The following KHDRBS2 variants were observed in gnomAD, a reference collection of about 807,000 sequenced individuals.
KHDRBS2 encodes KH RNA binding domain containing, signal transduction associated 2.
KHDRBS2 carries 26 observed loss-of-function variants against 44.3 expected under a neutral mutation model. That is an observed-to-expected ratio of 0.59 (90% CI 0.43 to 0.81). The LOEUF (loss-of-function observed/expected upper bound fraction) is 0.81, where lower values mean the gene tolerates loss of function less well. Ranked by LOEUF, KHDRBS2 falls within the 40% of genes least tolerant of loss-of-function variation. The pLI is 0.00. For missense variants in KHDRBS2, 476 were observed against 433.1 expected, an observed-to-expected ratio of 1.10 and a Z score of -0.88; for synonymous variants, 194 against 151.1, an observed-to-expected ratio of 1.28 and a Z score of -2.08.
chr6:61,844,845 T>C (rs1463402304), intron 6 of KHDRBS2, among the ~76,000 whole-genome samples: 3 of 152,226 alleles, frequency 2.0e-5, no homozygotes, highest in Non-Finnish European at 4.4e-5. Context: ...CTTGTAATTG[T>C]TCATTTCTTA....
intron 5 of KHDRBS2, among the ~76,000 whole-genome samples, chr6:61,899,405 G>T (rs1232425508): frequency 4.0e-5 from 6 of 151,848 alleles, no homozygotes; most frequent in Non-Finnish European, 3.0e-5. Flanking sequence ...CATTGGAAGT[G>T]AAATTTAATT....
intron 4 of KHDRBS2, among the ~76,000 whole-genome samples, chr6:61,938,567 G>A (rs1811487312): frequency 6.6e-6 from 1 of 152,126 alleles, no homozygotes; most frequent in South Asian, 2.1e-4. Flanking sequence ...CTCTGAGAAG[G>A]TTACTCTGGT....
chr6:62,192,028 G>A (rs1262729170), intron 1 of KHDRBS2, among the ~76,000 whole-genome samples: 3 of 151,720 alleles, frequency 2.0e-5, no homozygotes, highest in Admixed American at 1.3e-4. Flanking sequence ...GTATAATTTG[G>A]GTTATATTGT....
intron 3 of KHDRBS2, among the ~76,000 whole-genome samples, chr6:62,019,317 ATTT>A (rs1470019488): frequency 4.6e-5 from 7 of 152,240 alleles, no homozygotes; most frequent in African/African-American, 1.7e-4. Context: ...TACTGAGAAT[ATTT>A]TTATTAAAAA....
intron 1 of KHDRBS2, among the ~76,000 whole-genome samples, chr6:62,219,283 A>C (rs1830501219): frequency 6.6e-6 from 1 of 152,018 alleles, no homozygotes; most frequent in African/African-American, 2.4e-5. Flanking sequence ...TATGATTATA[A>C]GAGATACAGA....
At chr6:62,083,945 A>T (rs1397598131) in intron 2 of KHDRBS2, among the ~76,000 whole-genome samples, 1 of 152,218 alleles carries the variant, frequency 6.6e-6, no homozygotes, top group African/African-American at 2.4e-5. Context: ...ATCAAGAAGG[A>T]TGTAGAAATG....
In KHDRBS2 at chr6:61,971,616, A is replaced by T. The variant is rs1320625175; in HGVS notation, c.483+6450T>A. 3.9e-5 allele frequency among the ~76,000 whole-genome samples: 6 copies of T among 152,070 alleles called. No homozygotes were observed. The East Asian group carries it at 1.2e-3, about 29-fold the overall frequency. On this transcript the variant is annotated intron_variant, in intron 4 of 8. Transcript: ENST00000281156. ...GGTCATCAATATTTTCAAGAGGCTA[A>T]TCGAACTCTCTTTCTCTCTCTCTTC...
At chr6:61,815,479 T>G (rs1353238180) in intron 6 of KHDRBS2, among the ~76,000 whole-genome samples, 1 of 152,202 alleles carries the variant, frequency 6.6e-6, no homozygotes, top group Non-Finnish European at 1.5e-5. Flanking sequence ...ATGTACTTTA[T>G]GGTTTTAGCA....
At position 61,697,184 on chromosome 6, in the gene KHDRBS2, A is replaced by C; in HGVS notation, c.952+11T>G. The C allele has an allele frequency of 6.4e-7, 1 of 1,574,482 alleles. No homozygotes were observed. The highest frequency in any genetic ancestry group is 8.7e-7 in the Non-Finnish European group (1 of 1,144,104). ...TCCGATTTCACAGTTTTAGTAAAGA[A>C]AAGGTCTTACCGTAGCTGTCATAGG... On this transcript the variant is annotated intron_variant, in intron 8 of 8. Transcript: ENST00000281156.
chr6:61,764,125 C>A (rs750253939), intron 6 of KHDRBS2, among the ~76,000 whole-genome samples: 4 of 152,136 alleles, frequency 2.6e-5, no homozygotes, highest in Non-Finnish European at 5.9e-5. Context: ...AAGACAATGG[C>A]TTCCAGCTCC....
intron 7 of KHDRBS2, among the ~76,000 whole-genome samples, chr6:61,721,285 C>G (rs1159441146): frequency 6.6e-6 from 1 of 152,038 alleles, no homozygotes; most frequent in Non-Finnish European, 1.5e-5. Context: ...TCCATATGAA[C>G]TTTAAAGTAG....
chr6:61,548,601 A>G, the KHDRBS2 span, among the ~76,000 whole-genome samples: 3 of 152,166 alleles, frequency 2.0e-5, no homozygotes, highest in African/African-American at 7.2e-5. Context: ...AGTGCATAAT[A>G]TGAACCTGCA....
At chr6:62,225,176 T>A (rs146711298) in intron 1 of KHDRBS2, among the ~76,000 whole-genome samples, 59 of 152,344 alleles carry the variant, frequency 3.9e-4, no homozygotes, top group African/African-American at 1.4e-3. Context: ...TAGCTCAGCA[T>A]GTCAATAGTA....
At chr6:62,228,351 G>A (rs1832278888) in intron 1 of KHDRBS2, among the ~76,000 whole-genome samples, 1 of 152,068 alleles carries the variant, frequency 6.6e-6, no homozygotes, top group African/African-American at 2.4e-5. Context: ...TTGTATTTCT[G>A]TGGGGTCGGT....
intron 6 of KHDRBS2, among the ~76,000 whole-genome samples, chr6:61,765,272 G>A (rs967815150): frequency 6.6e-6 from 1 of 152,012 alleles, no homozygotes; most frequent in Non-Finnish European, 1.5e-5. Flanking sequence ...GGGCAAAATA[G>A]GGAGACTAGC....
chr6:61,694,307 A>C (rs1767672225), intron 8 of KHDRBS2, among the ~76,000 whole-genome samples: 1 of 152,178 alleles, frequency 6.6e-6, no homozygotes, highest in Non-Finnish European at 1.5e-5. Context: ...AACGTGTATA[A>C]AATTATTACT....
At chr6:61,857,960 CTG>C (rs1481766053) in intron 6 of KHDRBS2, among the ~76,000 whole-genome samples, 2 of 151,898 alleles carry the variant, frequency 1.3e-5, no homozygotes, top group Non-Finnish European at 2.9e-5. Flanking sequence ...TTATGGCACA[CTG>C]TGTTATATAA....
At chr6:61,894,891 C>T (rs1288620013) in intron 5 of KHDRBS2, 58 bp from the exon 6 acceptor site, 1 of 1,281,926 alleles carries the variant, frequency 7.8e-7, no homozygotes, top group Non-Finnish European at 1.1e-6. Context: ...AAGGGCCTAT[C>T]ACAGAAAAAG....
chr6:61,992,544 A>G (rs913635164), intron 3 of KHDRBS2, among the ~76,000 whole-genome samples: 5 of 151,992 alleles, frequency 3.3e-5, no homozygotes, highest in Non-Finnish European at 5.9e-5. Flanking sequence ...CCTGCCTCAG[A>G]ATATTTGGCT....
Sources: gnomAD v4.1 joint callset for allele counts (sites outside exome capture counted in the v4.1 genomes callset) on GRCh38, gnomAD v4.1.1 for gene constraint, MANE v1.5 for transcripts, NCBI Gene and HGNC (gene_info 2026-07-23, HGNC 2026-07-21) for gene names.